CYYR1: variants seen among roughly 807,000 people sequenced by gnomAD.
CYYR1 encodes the protein cysteine and tyrosine-rich protein 1.
CYYR1 carries 14 observed loss-of-function variants against 15.2 expected under a neutral mutation model. The observed-to-expected ratio is 0.92, with a 90% CI of 0.61 to 1.44. The LOEUF (loss-of-function observed/expected upper bound fraction) is 1.44, where lower values mean the gene tolerates loss of function less well. Ranked by LOEUF, CYYR1 falls within the 40% of genes most tolerant of loss-of-function variation. The pLI, the probability that CYYR1 is intolerant of heterozygous loss-of-function variation, is 0.00. For missense variants in CYYR1, 228 were observed against 209.5 expected (o/e 1.09, Z -0.54); for synonymous variants, 80 against 77.4 (o/e 1.03, Z -0.18).
chr21:26,550,030 T>C (rs1421766402), intron 2 of CYYR1, among the ~76,000 whole-genome samples: 1 of 152,224 alleles, frequency 6.6e-6, no homozygotes, highest in Non-Finnish European at 1.5e-5. Context: ...AGCAAGTCTA[T>C]TGGCACAATT....
intron 2 of CYYR1, among the ~76,000 whole-genome samples, chr21:26,489,902 T>G (rs184287002): frequency 1.3e-5 from 2 of 152,270 alleles, no homozygotes; most frequent in African/African-American, 4.8e-5. Context: ...ACAAACTCGT[T>G]TTTGAAAAAC....
chr21:26,495,082 C>G (rs2065377705), intron 2 of CYYR1, among the ~76,000 whole-genome samples: 1 of 152,178 alleles, frequency 6.6e-6, no homozygotes, highest in Non-Finnish European at 1.5e-5. Context: ...GAAAGTTAGT[C>G]AGTATAAGCT....
chr21:26,533,098 G>A (rs2065952868), intron 2 of CYYR1, among the ~76,000 whole-genome samples: 1 of 151,338 alleles, frequency 6.6e-6, no homozygotes, highest in Admixed American at 6.6e-5. Flanking sequence ...GGAATCTCAT[G>A]AGCCAATTCC....
intron 2 of CYYR1, among the ~76,000 whole-genome samples, chr21:26,557,339 T>G (rs1246762268): frequency 6.6e-6 from 1 of 152,194 alleles, no homozygotes; most frequent in African/African-American, 2.4e-5. Context: ...GTAATCTGAT[T>G]TGGAAACAAT....
At chr21:26,544,664 C>G (rs1978823694) in intron 2 of CYYR1, among the ~76,000 whole-genome samples, 1 of 151,974 alleles carries the variant, frequency 6.6e-6, no homozygotes, top group South Asian at 2.1e-4. Context: ...ATGATAATGT[C>G]AGAGGAAAGA....
rs1318070462 is a variant in CYYR1, at chr21:26,480,545, T to C, written c.177-116A>G. 7 of 1,107,986 alleles carry C rather than the reference T, an allele frequency of 6.3e-6. No individual in the cohort carries two copies. The East Asian group carries it at 1.3e-4, about 21-fold the overall frequency. 68.6% of individuals were successfully genotyped at this position (1,107,986 alleles called of 1,614,324 possible). A position where few individuals can be genotyped will look rare whatever the true frequency, so the allele number is the denominator to read the frequency against. ...TTCTTACAAATGTTCTTAAGGATAA[T>C]GTGTGTGTGTTTTTCTTTTCTTTTT... On this transcript the variant is annotated intron_variant, in intron 2 of 3. Transcript: ENST00000652641.
chr21:26,493,648 G>C (rs1220612790), intron 2 of CYYR1, among the ~76,000 whole-genome samples: 1 of 152,072 alleles, frequency 6.6e-6, no homozygotes, highest in Non-Finnish European at 1.5e-5. Context: ...AAATTTTAAG[G>C]TAAATTTGGT....
intron 2 of CYYR1, chr21:26,564,518 A>C (rs1052806848): frequency 3.6e-6 from 1 of 276,340 alleles, no homozygotes; most frequent in Non-Finnish European, 5.5e-6. Context: ...TCACTTAACC[A>C]GCGGTGAGAT....
At chr21:26,500,721 C>G (rs1410381965) in intron 2 of CYYR1, among the ~76,000 whole-genome samples, 1 of 152,128 alleles carries the variant, frequency 6.6e-6, no homozygotes, top group African/African-American at 2.4e-5. Context: ...GAGCAATTGG[C>G]CACACCCCTC....
rs139633089 is a variant in CYYR1 at position 26,537,657 on chromosome 21, C to T, written c.176+28609G>A. Reference sequence around the variant, plus strand: ...ATCGAGGGCAATGCTTAACCTCCAACTGCAGCAGGGTGGAGCCAGCCTGAT... The same window carrying T: ...ATCGAGGGCAATGCTTAACCTCCAATTGCAGCAGGGTGGAGCCAGCCTGAT... On this transcript the variant is annotated intron_variant, in intron 2 of 3. Coordinates refer to ENST00000652641, the MANE Select transcript of CYYR1 (RefSeq NM_001320768.2). 4.6e-5 allele frequency among the ~76,000 whole-genome samples: 7 copies of T among 152,254 alleles called. 1 individual carries two copies. The highest frequency in any genetic ancestry group is 1.7e-4 in the African/African-American group (7 of 41,570).
At chr21:26,522,770 A>G (rs1343108755) in intron 2 of CYYR1, among the ~76,000 whole-genome samples, 1 of 152,246 alleles carries the variant, frequency 6.6e-6, no homozygotes, top group East Asian at 1.9e-4. Context: ...AACGAAGGAA[A>G]TGAATTCAAG....
chr21:26,571,205 A>T (rs559982519), intron 1 of CYYR1, among the ~76,000 whole-genome samples: 1 of 152,362 alleles, frequency 6.6e-6, no homozygotes, highest in South Asian at 2.1e-4. Flanking sequence ...TTGAATGAAT[A>T]TGAAAAGCAT....
rs1272412526 is a variant in CYYR1 at position 26,468,477 on chromosome 21, A to T, written c.*24T>A. The T allele has an allele frequency of 7.0e-7, 1 of 1,423,088 alleles. No homozygotes were observed. 88.2% of individuals were successfully genotyped at this position (1,423,088 alleles called of 1,614,324 possible). A position where few individuals can be genotyped will look rare whatever the true frequency, so the allele number is the denominator to read the frequency against. ...ATTCCAGGCAAGATCGCCCATTGGC[A>T]CATGTTCTGTTCTGGGAGATAGATT... On this transcript the variant is annotated 3_prime_UTR_variant, in exon 4 of 4. Coordinates refer to ENST00000652641, the MANE Select transcript of CYYR1 (RefSeq NM_001320768.2).
intron 2 of CYYR1, chr21:26,482,151 T>C (rs1312595025): frequency 2.3e-6 from 1 of 429,538 alleles, no homozygotes; most frequent in Non-Finnish European, 3.1e-6. Context: ...AGACAAGATT[T>C]ATCCTTGGTT....
intron 2 of CYYR1, among the ~76,000 whole-genome samples, chr21:26,536,209 C>T (rs1316368571): frequency 6.6e-6 from 1 of 152,122 alleles, no homozygotes; most frequent in East Asian, 1.9e-4. Flanking sequence ...TCAATTATCT[C>T]CCACCAGGCC....
At chr21:26,567,102 C>T (rs940999608) in intron 1 of CYYR1, among the ~76,000 whole-genome samples, 1 of 151,494 alleles carries the variant, frequency 6.6e-6, no homozygotes, top group East Asian at 1.9e-4. Flanking sequence ...ATATATAATA[C>T]CAAAAAGGAA....
intron 3 of CYYR1, among the ~76,000 whole-genome samples, chr21:26,474,028 G>T (rs944719618): frequency 3.1e-4 from 45 of 145,752 alleles, no homozygotes; most frequent in African/African-American, 9.8e-4. Flanking sequence ...TTTTTTTGTT[G>T]TTGTGTGTTT....
intron 2 of CYYR1, among the ~76,000 whole-genome samples, chr21:26,554,872 G>A (rs1979656763): frequency 6.6e-6 from 1 of 152,110 alleles, no homozygotes; most frequent in African/African-American, 2.4e-5. Flanking sequence ...TAGCTGGGAT[G>A]ACAGGCATGT....
At position 26,520,115 on chromosome 21, in the gene CYYR1, TATATA is replaced by T. The variant is rs1295884763; in HGVS notation, c.177-39691_177-39687del. ...TTCTTCTAAAAAAAAACCCAGGAGA[TATATA>T]TATATATATATATATATATATGCAG... On this transcript the variant is annotated intron_variant, in intron 2 of 3. Transcript: ENST00000652641. Among the ~76,000 whole-genome samples, 5 of 40,484 alleles carry T rather than the reference TATATA, an allele frequency of 1.2e-4. 1 individual carries two copies. The highest frequency in any genetic ancestry group is 1.1e-3 in the Admixed American group (5 of 4,434). 26.6% of individuals were successfully genotyped at this position (40,484 alleles called of 152,430 possible).
Sources: gnomAD v4.1 joint callset for allele counts (sites outside exome capture counted in the v4.1 genomes callset) on GRCh38, gnomAD v4.1.1 for gene constraint, MANE v1.5 for transcripts, NCBI Gene and HGNC (gene_info 2026-07-23, HGNC 2026-07-21) for gene names.